MGMT: variants seen among roughly 807,000 people sequenced by gnomAD.
MGMT encodes the protein methylated-DNA--protein-cysteine methyltransferase.
A neutral mutation model predicts 15.9 loss-of-function variants in MGMT; 14 were observed. The observed-to-expected ratio is 0.88, with a 90% CI of 0.58 to 1.37. The LOEUF (loss-of-function observed/expected upper bound fraction) is 1.37, where lower values mean the gene tolerates loss of function less well. Ranked by LOEUF, MGMT falls within the 40% of genes most tolerant of loss-of-function variation. The pLI, the probability that MGMT is intolerant of heterozygous loss-of-function variation, is 0.00. For synonymous variants in MGMT, 130 were observed against 118.2 expected, an observed-to-expected ratio of 1.10 and a Z score of -0.65; for missense variants, 282 against 268.1, an observed-to-expected ratio of 1.05 and a Z score of -0.36.
At chr10:129,695,277 C>G (rs559107874) in intron 2 of MGMT, among the ~76,000 whole-genome samples, 1 of 152,132 alleles carries the variant, frequency 6.6e-6, no homozygotes, top group Non-Finnish European at 1.5e-5. Context: ...AAGTTGTTCC[C>G]GGATAAAATT....
At chr10:129,575,565 G>A (rs1388157184) in intron 2 of MGMT, among the ~76,000 whole-genome samples, 1 of 148,758 alleles carries the variant, frequency 6.7e-6, no homozygotes, top group Non-Finnish European at 1.5e-5. Context: ...AGCACTAAAT[G>A]CCCACAAGAG....
At chr10:129,605,725 C>T (rs958318806) in intron 2 of MGMT, among the ~76,000 whole-genome samples, 31 of 152,248 alleles carry the variant, frequency 2.0e-4, no homozygotes, top group African/African-American at 6.0e-4. Flanking sequence ...CAGCATTTTA[C>T]GATAATTCTC....
At position 129,530,394 on chromosome 10, in the gene MGMT, C is replaced by CT. The variant is rs201022203; in HGVS notation, c.-12-5842dup. Among the ~76,000 whole-genome samples the CT allele has an allele frequency of 7.2e-3, 1,099 of 152,302 alleles. 4 individuals carry two copies. The highest frequency in any genetic ancestry group is 0.011 in the Non-Finnish European group (752 of 68,026). On this transcript the variant is annotated intron_variant, in intron 1 of 4. Transcript: ENST00000651593. ...TGCAAGCAACGTATGGTGTGGTTTACTTTTTGTGGGTAATTTTTCTCCCCC... is the reference window on the plus strand; with the variant it reads ...TGCAAGCAACGTATGGTGTGGTTTACTTTTTTGTGGGTAATTTTTCTCCCCC...
chr10:129,753,006 C>T (rs531901257), intron 3 of MGMT, among the ~76,000 whole-genome samples: 3 of 152,260 alleles, frequency 2.0e-5, no homozygotes, highest in African/African-American at 7.2e-5. Flanking sequence ...AAGATCAGAT[C>T]TACTGGCACT....
intron 2 of MGMT, among the ~76,000 whole-genome samples, chr10:129,685,532 T>C (rs1847895804): frequency 6.6e-6 from 1 of 152,150 alleles, no homozygotes; most frequent in African/African-American, 2.4e-5. Context: ...TGTGGGCTCC[T>C]CTCCCCGGGG....
chr10:129,556,220 C>T lies in MGMT; in HGVS notation c.125+19843C>T, dbSNP rs187312315. Among the ~76,000 whole-genome samples, 1 of 152,070 alleles carries T rather than the reference C, an allele frequency of 6.6e-6. No individual in the cohort carries two copies. The highest frequency in any genetic ancestry group is 2.4e-5 in the African/African-American group (1 of 41,384). Reference sequence around the variant, plus strand: ...TGTTGGTCTCTGTGTAGCACGTGGCCCCCAAAATTTAGGTGTTGAAGTCCT... The same window carrying T: ...TGTTGGTCTCTGTGTAGCACGTGGCTCCCAAAATTTAGGTGTTGAAGTCCT... On this transcript the variant is annotated intron_variant, in intron 2 of 4. Transcript: ENST00000651593. The surrounding 1 kb of genome is among the most constrained non-coding windows in gnomAD (Gnocchi z 4.3).
chr10:129,508,211 G>T (rs773533927), intron 1 of MGMT, among the ~76,000 whole-genome samples: 1 of 152,142 alleles, frequency 6.6e-6, no homozygotes, highest in Non-Finnish European at 1.5e-5. Context: ...CCTTTTGCGG[G>T]TGGTTCTGAT....
chr10:129,646,846 G>A (rs572119072), intron 2 of MGMT, among the ~76,000 whole-genome samples: 47 of 150,092 alleles, frequency 3.1e-4, no homozygotes, highest in Middle Eastern at 3.4e-3. Flanking sequence ...TGAGAGCGGC[G>A]GCTTTCCTCT....
intron 2 of MGMT, among the ~76,000 whole-genome samples, chr10:129,607,407 AG>A (rs1232282325): frequency 6.6e-6 from 1 of 152,206 alleles, no homozygotes; most frequent in Non-Finnish European, 1.5e-5. Flanking sequence ...TTTTAATAGC[AG>A]TCTAGGCCAA....
At chr10:129,618,298 A>G (rs1847051812) in intron 2 of MGMT, among the ~76,000 whole-genome samples, 1 of 152,076 alleles carries the variant, frequency 6.6e-6, no homozygotes, top group South Asian at 2.1e-4. Flanking sequence ...CTTACGATAG[A>G]TGTTGTACCT....
At chr10:129,582,215 C>T (rs752078100) in intron 2 of MGMT, among the ~76,000 whole-genome samples, 33 of 152,338 alleles carry the variant, frequency 2.2e-4, no homozygotes, top group Non-Finnish European at 3.2e-4. Flanking sequence ...GCGTGGACCC[C>T]GCCTGGCCTT....
intron 2 of MGMT, among the ~76,000 whole-genome samples, chr10:129,612,734 A>G (rs1010318117): frequency 2.0e-5 from 3 of 152,254 alleles, no homozygotes; most frequent in African/African-American, 7.2e-5. Context: ...ATAGGATGTT[A>G]CAGGTGGTTC....
At chr10:129,751,884 G>T (rs935268641) in intron 3 of MGMT, among the ~76,000 whole-genome samples, 4 of 152,044 alleles carry the variant, frequency 2.6e-5, no homozygotes, top group East Asian at 1.9e-4. Context: ...TTATATGATT[G>T]CAGTCATTTT....
intron 2 of MGMT, among the ~76,000 whole-genome samples, chr10:129,579,023 C>G (rs780647791): frequency 2.6e-5 from 4 of 152,144 alleles, no homozygotes; most frequent in African/African-American, 7.2e-5. Flanking sequence ...ACATTAGATA[C>G]GACTTCAGTT....
At chr10:129,704,617 G>A (rs1848138109) in intron 2 of MGMT, among the ~76,000 whole-genome samples, 1 of 152,024 alleles carries the variant, frequency 6.6e-6, no homozygotes, top group African/African-American at 2.4e-5. Context: ...AGTTATCCGT[G>A]GCTGTCGGTC....
chr10:129,467,475 C>G (rs1051242413), intron 1 of MGMT, 179 bp downstream of exon 1: 1 of 963,248 alleles, frequency 1.0e-6, no homozygotes, highest in Non-Finnish European at 1.2e-6. Flanking sequence ...TGTTGCCCAG[C>G]CTTTCCCCGG....
chr10:129,746,427 C>A (rs761206265), intron 3 of MGMT, among the ~76,000 whole-genome samples: 5 of 142,100 alleles, frequency 3.5e-5, no homozygotes, highest in Non-Finnish European at 7.8e-5. Flanking sequence ...CATATAGTTT[C>A]TTTTTTTTTT....
rs1436771468 is a variant in MGMT, at chr10:129,499,136, A to G, written c.-13+31840A>G. Among the ~76,000 whole-genome samples, 4 of 152,164 alleles carry G rather than the reference A, an allele frequency of 2.6e-5. No individual in the cohort carries two copies. In the East Asian group the frequency reaches 7.7e-4, roughly 29 times the overall value. ...AAAAGAATCTGGTAAAACCTGTGTC[A>G]TTGTGTTTCAGCCACTAGATGCAGA... On this transcript the variant is annotated intron_variant, in intron 1 of 4. Transcript: ENST00000651593.
rs537300000 is a variant in MGMT, at chr10:129,537,728, A to G, written c.125+1351A>G. Among the ~76,000 whole-genome samples, 8 of 152,170 alleles carry G rather than the reference A, an allele frequency of 5.3e-5. No individual in the cohort carries two copies. In the East Asian group the frequency reaches 1.5e-3, roughly 29 times the overall value. Reference sequence around the variant, plus strand: ...AATTTCTACTTTATGAACTTTCTGAATCAAGTTAGGATCAGGTTCAGGTGT... The same window carrying G: ...AATTTCTACTTTATGAACTTTCTGAGTCAAGTTAGGATCAGGTTCAGGTGT... On this transcript the variant is annotated intron_variant, in intron 2 of 4. Coordinates refer to ENST00000651593, the MANE Select transcript of MGMT (RefSeq NM_002412.5).
Sources: gnomAD v4.1 joint callset for allele counts (sites outside exome capture counted in the v4.1 genomes callset) on GRCh38, gnomAD v4.1.1 for gene constraint, Gnocchi (gnomAD v3.1) non-coding constraint, MANE v1.5 for transcripts, NCBI Gene and HGNC (gene_info 2026-07-23, HGNC 2026-07-21) for gene names.